Variants in NFATC1 observed in about 807,000 individuals in gnomAD.
NFATC1 encodes the protein nuclear factor of activated T-cells, cytoplasmic 1.
Under a neutral mutation model 76.0 loss-of-function variants are expected in NFATC1, and 22 were observed. The ratio of observed to expected loss-of-function variants is 0.29; its 90% confidence interval spans 0.21 to 0.41. The LOEUF (loss-of-function observed/expected upper bound fraction) is 0.41. NFATC1 is among the 10% of genes least tolerant of loss of function. The pLI, the probability that NFATC1 is intolerant of heterozygous loss-of-function variation, is 1.00. For missense variants in NFATC1, 1,357 were observed against 1,337.7 expected, an observed-to-expected ratio of 1.01 and a Z score of -0.23; for synonymous variants, 704 against 613.1, an observed-to-expected ratio of 1.15 and a Z score of -2.19.
intron 6 of NFATC1, among the ~76,000 whole-genome samples, chr18:79,452,753 T>C (rs1216414471): frequency 6.6e-6 from 1 of 152,072 alleles, no homozygotes; most frequent in Non-Finnish European, 1.5e-5. Flanking sequence ...AGCTCCCTGG[T>C]TTTGGGGGTT....
chr18:79,398,123 C>T (rs986022862), intron 1 of NFATC1, among the ~76,000 whole-genome samples: 2 of 152,156 alleles, frequency 1.3e-5, no homozygotes, highest in African/African-American at 4.8e-5. Flanking sequence ...CTGCGTCCCT[C>T]GGGTTTCGGG....
At chr18:79,500,977 TCTAATA>T (rs2090000041) in intron 9 of NFATC1, among the ~76,000 whole-genome samples, 1 of 152,158 alleles carries the variant, frequency 6.6e-6, no homozygotes, top group Non-Finnish European at 1.5e-5. Flanking sequence ...AAGGAACACT[TCTAATA>T]CTGAAGCCAG....
chr18:79,480,278 C>T (rs916466129), intron 8 of NFATC1, among the ~76,000 whole-genome samples: 3 of 152,194 alleles, frequency 2.0e-5, no homozygotes, highest in African/African-American at 7.2e-5. Flanking sequence ...GCCACAGCCT[C>T]TGTGGACTGG....
chr18:79,400,337 C>A, intron 1 of NFATC1: 3 of 1,376,290 alleles, frequency 2.2e-6, no homozygotes, highest in Non-Finnish European at 1.9e-6. Context: ...CCGGGAGAAC[C>A]GAACCCCTGG....
chr18:79,401,933 G>A lies in NFATC1; in HGVS notation c.127+5582G>A, dbSNP rs150762303. Among the ~76,000 whole-genome samples, 23 of 152,272 alleles carry A rather than the reference G, an allele frequency of 1.5e-4. No homozygotes were observed. The East Asian group carries it at 1.7e-3, about 12-fold the overall frequency. On this transcript the variant is annotated intron_variant, in intron 1 of 9. Transcript: ENST00000427363. Reference sequence around the variant, plus strand: ...GGACAGTGTACGGCCCTGGGCCCTCGGCCCTGGCTGAAGATTTCACTGCTT... The same window carrying A: ...GGACAGTGTACGGCCCTGGGCCCTCAGCCCTGGCTGAAGATTTCACTGCTT...
chr18:79,421,003 G>A (rs79991310), intron 2 of NFATC1: 15,291 of 152,406 alleles, frequency 0.1, 835 homozygotes, highest in East Asian at 0.13. Context: ...TTTGCCCCGC[G>A]TGGAGTCATA....
intron 9 of NFATC1, among the ~76,000 whole-genome samples, chr18:79,525,690 G>C (rs2090742900): frequency 6.6e-6 from 1 of 152,204 alleles, no homozygotes; most frequent in African/African-American, 2.4e-5. Context: ...ATTCTGACTG[G>C]AGTCCTTTCT....
At position 79,467,487 on chromosome 18, in the gene NFATC1, A is replaced by G; in HGVS notation, c.1997A>G (p.Gln666Arg). The G allele has an allele frequency of 1.2e-6, 2 of 1,610,258 alleles. No individual in the cohort carries two copies. Among genetic ancestry groups the G allele is most frequent in the Non-Finnish European group, 1.7e-6 (2 of 1,177,250 alleles). ...LVVEIPPFRN[Q>R]RITSPVHVSF... Reference sequence around the variant, plus strand: ...GTTGAGATCCCGCCATTTCGGAATCAGAGGATAACCAGCCCCGTTCACGTC... The same window carrying G: ...GTTGAGATCCCGCCATTTCGGAATCGGAGGATAACCAGCCCCGTTCACGTC... Residue 666 changes from glutamine (Q) to arginine (R), a missense_variant, in exon 8 of 10, where the codon CAG becomes CGG. Coordinates refer to ENST00000427363, the MANE Select transcript of NFATC1 (RefSeq NM_001278669.2).
intron 9 of NFATC1, among the ~76,000 whole-genome samples, chr18:79,509,754 A>C (rs2145167939): frequency 6.6e-6 from 1 of 152,372 alleles, no homozygotes; most frequent in South Asian, 2.1e-4. Flanking sequence ...CTGTCAGCTC[A>C]CGGACCAGGG....
rs1006648500 is a variant in NFATC1, at chr18:79,396,036, G to A, written c.-189G>A. 5.4e-6 allele frequency: 3 copies of A among 556,058 alleles called. No homozygotes were observed. Among genetic ancestry groups the A allele is most frequent in the African/African-American group, 4.0e-5 (2 of 49,578 alleles). 34.4% of individuals were successfully genotyped at this position (556,058 alleles called of 1,614,324 possible). ...GGCGCGGGCAGGGCTCGGAGCCACCGCGCAGGTCCTAGGGCCGCGGCCGGG... is the reference window on the plus strand; with the variant it reads ...GGCGCGGGCAGGGCTCGGAGCCACCACGCAGGTCCTAGGGCCGCGGCCGGG... On this transcript the variant is annotated 5_prime_UTR_variant, in exon 1 of 10. Transcript: ENST00000427363.
chr18:79,459,257 T>C (rs2087920782), intron 6 of NFATC1, among the ~76,000 whole-genome samples: 1 of 152,234 alleles, frequency 6.6e-6, no homozygotes, highest in African/African-American at 2.4e-5. Flanking sequence ...GTGGCTCCCC[T>C]TGGGGCCGCT....
intron 2 of NFATC1, among the ~76,000 whole-genome samples, chr18:79,428,411 G>C (rs1751959216): frequency 6.6e-6 from 1 of 152,204 alleles, no homozygotes; most frequent in South Asian, 2.1e-4. Context: ...CCGGACCCTA[G>C]TGGGTGAGCC....
At chr18:79,519,447 C>G (rs143523142) in intron 9 of NFATC1, among the ~76,000 whole-genome samples, 4,397 of 152,282 alleles carry the variant, frequency 0.029, 237 homozygotes, top group African/African-American at 0.099. Context: ...ATCCTCCCAC[C>G]TCAGCCTCCC....
intron 1 of NFATC1, among the ~76,000 whole-genome samples, chr18:79,400,663 G>A (rs1383385184): frequency 8.2e-6 from 1 of 121,326 alleles, no homozygotes; most frequent in African/African-American, 2.9e-5. Flanking sequence ...CGGTTCCTCC[G>A]AGCGCTCGCG....
intron 2 of NFATC1, among the ~76,000 whole-genome samples, chr18:79,418,960 T>C (rs1275306245): frequency 3.3e-5 from 5 of 152,204 alleles, no homozygotes; most frequent in Non-Finnish European, 1.5e-5. Flanking sequence ...TGTCCATGTC[T>C]GTTGTTAGCC....
chr18:79,401,962 C>T (rs1487561452), intron 1 of NFATC1, among the ~76,000 whole-genome samples: 1 of 152,228 alleles, frequency 6.6e-6, no homozygotes, highest in African/African-American at 2.4e-5. Flanking sequence ...ACTGCTTTGC[C>T]TCCTTGAAGA....
intron 8 of NFATC1, among the ~76,000 whole-genome samples, chr18:79,481,386 A>C (rs1037912030): frequency 1.3e-5 from 2 of 152,320 alleles, no homozygotes; most frequent in African/African-American, 2.4e-5. Flanking sequence ...CCCTTCAAAA[A>C]AGTGTTGCAG....
At chr18:79,487,117 C>T (rs754094) in intron 9 of NFATC1, among the ~76,000 whole-genome samples, 180 bp downstream of exon 9, 11,175 of 152,166 alleles carry the variant, frequency 0.073, 582 homozygotes, top group Non-Finnish European at 0.11. Flanking sequence ...GTCAGCGCCA[C>T]CTGGGGCGCT....
At chr18:79,423,499 C>G (rs1039595628) in intron 2 of NFATC1, among the ~76,000 whole-genome samples, 3 of 152,238 alleles carry the variant, frequency 2.0e-5, no homozygotes, top group African/African-American at 7.2e-5. Context: ...ACAGCAGATC[C>G]TGCCCCAGGG....
Sources: allele counts gnomAD v4.1 joint callset (sites outside exome capture counted in the v4.1 genomes callset), GRCh38; gene constraint gnomAD v4.1.1; transcripts MANE v1.5; gene names NCBI Gene and HGNC (gene_info 2026-07-23, HGNC 2026-07-21).